Variants in CCT3 observed in about 807,000 individuals in gnomAD.
CCT3 encodes the protein chaperonin containing TCP1 subunit 3, also known as T-complex protein 1 subunit gamma.
In CCT3, 10 loss-of-function variants were observed where a neutral mutation model predicts 65.3. The observed-to-expected ratio is 0.15, with a 90% CI of 0.09 to 0.26. CCT3 has a LOEUF of 0.26. CCT3 is among the 10% of genes least tolerant of loss of function. CCT3 has a pLI of 1.00. For synonymous variants in CCT3, 225 were observed against 242.3 expected, an observed-to-expected ratio of 0.93 and a Z score of 0.66; for missense variants, 626 against 708.7, an observed-to-expected ratio of 0.88 and a Z score of 1.33.
At chr1:156,314,645 C>T (rs1195770804) in intron 10 of CCT3, among the ~76,000 whole-genome samples, 5 of 152,036 alleles carry the variant, frequency 3.3e-5, no homozygotes, top group Non-Finnish European at 7.4e-5. Flanking sequence ...ACCCAGGAGG[C>T]GGAGGTTGTG....
At chr1:156,322,777 T>C (rs1020962701) in intron 6 of CCT3, among the ~76,000 whole-genome samples, 2 of 152,064 alleles carry the variant, frequency 1.3e-5, no homozygotes, top group African/African-American at 4.8e-5. Context: ...GAAAACTGCT[T>C]GAAGCCAGGG....
intron 1 of CCT3, among the ~76,000 whole-genome samples, chr1:156,336,810 A>C (rs948527040): frequency 6.6e-5 from 10 of 151,980 alleles, no homozygotes; most frequent in Non-Finnish European, 1.5e-4. Flanking sequence ...AAACCAAAAC[A>C]CCCACAATGC....
intron 5 of CCT3, among the ~76,000 whole-genome samples, chr1:156,331,644 A>G (rs1665101220): frequency 6.6e-6 from 1 of 151,234 alleles, no homozygotes; most frequent in South Asian, 2.1e-4. Flanking sequence ...GATTGCGCCA[A>G]TGCACTGCAG....
In CCT3 at chr1:156,310,393, T is replaced by C. The variant is rs536043676; in HGVS notation, c.1533+165A>G. ...CCTGTAGCCCCAGCTACTTGGGAGG[T>C]TGAGGCACAAGAATTGCTTGAACCC... On this transcript the variant is annotated intron_variant, in intron 13 of 13. Coordinates refer to ENST00000295688, the MANE Select transcript of CCT3 (RefSeq NM_005998.5). Among the ~76,000 whole-genome samples the C allele has an allele frequency of 4.6e-5, 7 of 151,442 alleles. No individual in the cohort carries two copies. The South Asian group carries it at 8.4e-4, about 18-fold the overall frequency.
intron 5 of CCT3, among the ~76,000 whole-genome samples, chr1:156,328,331 C>G (rs1664949501): frequency 6.6e-6 from 1 of 151,914 alleles, no homozygotes; most frequent in African/African-American, 2.4e-5. Context: ...CCCCTCTGCC[C>G]GGCCACGACC....
At position 156,337,096 on chromosome 1, in the gene CCT3, G is replaced by A. The variant is rs1252389392; in HGVS notation, c.31+1058C>T. The A allele has an allele frequency of 1.1e-5, 14 of 1,285,452 alleles. No individual in the cohort carries two copies. In the Admixed American group the frequency reaches 1.2e-4, roughly 11 times the overall value. The allele number at this position is 1,285,452 out of a possible 1,614,324, so 79.6% of individuals were successfully genotyped here. ...AAACATACCAAAGGAAGACAATGGA[G>A]GTGGTGCTCATCAGAAAAAAATAAG... On this transcript the variant is annotated intron_variant, in intron 1 of 13. Coordinates refer to ENST00000295688, the MANE Select transcript of CCT3 (RefSeq NM_005998.5).
At chr1:156,335,963 T>C in intron 1 of CCT3, 75 bp from the exon 2 acceptor site, 7 of 1,220,796 alleles carry the variant, frequency 5.7e-6, no homozygotes, top group South Asian at 1.3e-5. Flanking sequence ...TCCCCGTCTT[T>C]GAAAAATAAG....
intron 1 of CCT3, chr1:156,337,042 A>T (rs1334606910): frequency 2.4e-6 from 3 of 1,274,138 alleles, no homozygotes; most frequent in Non-Finnish European, 3.1e-6. Flanking sequence ...GGCTCTGCAG[A>T]TGAGGTACAG....
intron 5 of CCT3, among the ~76,000 whole-genome samples, chr1:156,330,392 T>C (rs1026819292): frequency 8.5e-5 from 13 of 152,338 alleles, no homozygotes; most frequent in East Asian, 1.9e-4. Flanking sequence ...CCAGGCGCTA[T>C]GGCTCACGCC....
chr1:156,330,896 T>A (rs1048197125), intron 5 of CCT3, among the ~76,000 whole-genome samples: 3 of 150,322 alleles, frequency 2.0e-5, no homozygotes, highest in East Asian at 3.9e-4. Flanking sequence ...CCTGGGCGAC[T>A]CTGTCTCAAA....
At chr1:156,337,039 C>T (rs1405517506) in intron 1 of CCT3, 62 of 1,268,994 alleles carry the variant, frequency 4.9e-5, no homozygotes, top group Non-Finnish European at 6.3e-5. Context: ...CCAGGCTCTG[C>T]AGATGAGGTA....
At chr1:156,313,577 C>T (rs1326381212) in intron 10 of CCT3, among the ~76,000 whole-genome samples, 2 of 152,150 alleles carry the variant, frequency 1.3e-5, no homozygotes, top group Non-Finnish European at 2.9e-5. Context: ...CAGGCCTGGA[C>T]AACAAGAATA....
chr1:156,335,233 C>A, intron 2 of CCT3: 1 of 282,264 alleles, frequency 3.5e-6, no homozygotes, highest in Non-Finnish European at 6.7e-6. Flanking sequence ...ACATAGCATG[C>A]CACTTTAGAT....
At chr1:156,318,416 G>A (rs192476823) in intron 8 of CCT3, among the ~76,000 whole-genome samples, 2 of 151,842 alleles carry the variant, frequency 1.3e-5, no homozygotes, top group East Asian at 3.9e-4. Context: ...GACAGTATTC[G>A]ACATGTTGCC....
chr1:156,331,382 C>G (rs1558273320), intron 5 of CCT3, among the ~76,000 whole-genome samples: 1 of 152,050 alleles, frequency 6.6e-6, no homozygotes, highest in Non-Finnish European at 1.5e-5. Flanking sequence ...TGGGCCAACA[C>G]TATAAATTAG....
chr1:156,331,722 G>A (rs1362334318), intron 5 of CCT3, among the ~76,000 whole-genome samples: 1 of 149,174 alleles, frequency 6.7e-6, no homozygotes, highest in Non-Finnish European at 1.5e-5. Flanking sequence ...AATAAAATTA[G>A]CATCCCTTAT....
chr1:156,323,149 A>G (rs1664638091), intron 6 of CCT3, among the ~76,000 whole-genome samples: 1 of 151,964 alleles, frequency 6.6e-6, no homozygotes, highest in South Asian at 2.1e-4. Flanking sequence ...TCTACTAAAA[A>G]TACAAAATTA....
At position 156,338,206 on chromosome 1, in the gene CCT3, G is replaced by C. The variant is rs757540491; in HGVS notation, c.-22C>G. ...TCATGGCGACGCGATGCAGAGCCGG[G>C]TACCCAGAGCTGGGGGAACCGGCAG... is the stretch of plus-strand genomic sequence containing the variant. On this transcript the variant is annotated 5_prime_UTR_variant, in exon 1 of 14. Transcript: ENST00000295688. The C allele has an allele frequency of 8.8e-5, 140 of 1,582,878 alleles. No individual in the cohort carries two copies. The highest frequency in any genetic ancestry group is 1.1e-4 in the Non-Finnish European group (125 of 1,166,074).
intron 7 of CCT3, among the ~76,000 whole-genome samples, 196 bp from the exon 8 acceptor site, chr1:156,319,213 C>T (rs1042207515): frequency 1.3e-5 from 2 of 151,310 alleles, no homozygotes; most frequent in East Asian, 1.9e-4. Flanking sequence ...CCCGGGTTCA[C>T]GCCATTCTCC....
Sources: allele counts gnomAD v4.1 joint callset (sites outside exome capture counted in the v4.1 genomes callset), GRCh38; gene constraint gnomAD v4.1.1; transcripts MANE v1.5; gene names NCBI Gene and HGNC (gene_info 2026-07-23, HGNC 2026-07-21).